RNF17: variants seen among roughly 807,000 people sequenced by gnomAD.
The protein encoded by RNF17 is spermatogenesis associated 23.
A neutral mutation model predicts 200.5 loss-of-function variants in RNF17; 31 were observed. The ratio of observed to expected loss-of-function variants is 0.15; its 90% CI spans 0.12 to 0.21. RNF17 has a LOEUF of 0.21. Among genes scored for constraint, RNF17 ranks in the 10% least tolerant of loss-of-function variants. RNF17 has a pLI of 1.00. For missense variants in RNF17, 1,628 were observed against 1,905.1 expected (o/e 0.85, Z 2.71); for synonymous variants, 606 against 637.8 (o/e 0.95, Z 0.75).
chr13:24,862,561 C>T, intron 27 of RNF17, 152 bp from the exon 28 acceptor site: 1 of 523,490 alleles, frequency 1.9e-6, no homozygotes, highest in Non-Finnish European at 3.6e-6. Context: ...TTATTTTTAT[C>T]ATGTACCTAT....
intron 32 of RNF17, among the ~76,000 whole-genome samples, chr13:24,871,940 T>C (rs1284116545): frequency 1.1e-5 from 1 of 87,154 alleles, no homozygotes; most frequent in Non-Finnish European, 3.0e-5. Context: ...CCAGATGAGA[T>C]TCTTGTTTTA....
At chr13:24,884,971 A>G in the RNF17 span, among the ~76,000 whole-genome samples, 3 of 152,242 alleles carry the variant, frequency 2.0e-5, no homozygotes, top group Admixed American at 6.5e-5. Context: ...CATAAGAATA[A>G]AACTGTGCTA....
the RNF17 span, chr13:24,885,128 A>G: frequency 1.5e-6 from 1 of 648,008 alleles, no homozygotes; most frequent in Non-Finnish European, 2.7e-6. Flanking sequence ...CAGAGATTGT[A>G]TGCCGCCTTT....
intron 15 of RNF17, among the ~76,000 whole-genome samples, chr13:24,812,009 C>A (rs1044390914): frequency 3.9e-5 from 6 of 151,908 alleles, no homozygotes; most frequent in African/African-American, 1.4e-4. Flanking sequence ...TCTCAGATCT[C>A]CAGCTGCGTG....
intron 18 of RNF17, 65 bp from the exon 19 acceptor site, chr13:24,841,976 A>AT (rs1890689033): frequency 6.8e-7 from 1 of 1,469,596 alleles, no homozygotes; most frequent in African/African-American, 1.4e-5. Context: ...CAAAAAAAAA[A>AT]ATTGCCTCAT....
At chr13:24,802,629 G>A (rs180796767) in intron 14 of RNF17, 58 bp downstream of exon 14, 2 of 1,402,976 alleles carry the variant, frequency 1.4e-6, no homozygotes, top group East Asian at 2.3e-5. Context: ...AATGAGAGTA[G>A]CAGATTTTGC....
upstream of RNF17, among the ~76,000 whole-genome samples, chr13:24,760,049 G>C (rs1878578328): frequency 6.6e-6 from 1 of 152,172 alleles, no homozygotes; most frequent in Admixed American, 6.5e-5. Context: ...GCTGAGGCAG[G>C]AGAATTGCTT....
intron 26 of RNF17, among the ~76,000 whole-genome samples, chr13:24,860,616 A>G (rs773684592): frequency 2.6e-4 from 40 of 152,306 alleles, no homozygotes; most frequent in Admixed American, 4.6e-4. Flanking sequence ...GTTGGGACAG[A>G]AGAAATAATT....
rs756534966 is a variant in RNF17 at position 24,764,325 on chromosome 13, G to T, written c.122G>T (p.Arg41Ile). 1.2e-6 allele frequency: 2 copies of T among 1,602,248 alleles called. No individual in the cohort carries two copies. Among genetic ancestry groups the T allele is most frequent in the Admixed American group, 3.4e-5 (2 of 58,782 alleles). The change falls in exon 1 of 36, where the codon AGA becomes ATA. Residue 41 changes from arginine to isoleucine, a missense_variant. This residue lies in a region of RNF17 where 502 missense variants were observed against 501.7 expected (regional missense o/e 1.00). Coordinates refer to ENST00000255324, the MANE Select transcript of RNF17 (RefSeq NM_031277.3). ...ACCAGGTGTGGAAGGAGGGTATCCAGATCATCCGGTGAGGAGCCCAAGGGC... is the reference window on the plus strand; with the variant it reads ...ACCAGGTGTGGAAGGAGGGTATCCATATCATCCGGTGAGGAGCCCAAGGGC... The part of the protein sequence containing the change: ...QCTRCGRRVS[R>I]SSGHHCELQC...
At chr13:24,804,718 A>G (rs569710637) in intron 15 of RNF17, among the ~76,000 whole-genome samples, 1 of 152,276 alleles carries the variant, frequency 6.6e-6, no homozygotes, top group South Asian at 2.1e-4. Flanking sequence ...TAATGATAAA[A>G]TAAATTTTTT....
chr13:24,827,346 AT>A (rs1446017084), intron 16 of RNF17, among the ~76,000 whole-genome samples: 4 of 152,162 alleles, frequency 2.6e-5, no homozygotes, highest in African/African-American at 9.7e-5. Context: ...TATCAAAACT[AT>A]TCTTGCAACC....
downstream of RNF17, chr13:24,882,578 A>AGACAT (rs1237036869): frequency 6.5e-6 from 1 of 153,472 alleles, no homozygotes; most frequent in African/African-American, 2.4e-5. Flanking sequence ...TCCCATTTTG[A>AGACAT]GACATTACAT....
intron 30 of RNF17, 112 bp downstream of exon 30, chr13:24,866,315 GA>G: frequency 1.7e-6 from 1 of 591,264 alleles, no homozygotes; most frequent in South Asian, 2.3e-5. Flanking sequence ...ATATATCATA[GA>G]ATTTACCTAT....
upstream of RNF17, among the ~76,000 whole-genome samples, chr13:24,762,870 C>A (rs1048758661): frequency 9.2e-5 from 14 of 152,166 alleles, no homozygotes; most frequent in African/African-American, 2.4e-4. Context: ...ACTCCTCAGC[C>A]TTACACTCGA....
At chr13:24,824,840 C>T (rs1475899322) in intron 15 of RNF17, among the ~76,000 whole-genome samples, 1 of 152,100 alleles carries the variant, frequency 6.6e-6, no homozygotes, top group East Asian at 1.9e-4. Context: ...TCACTGCAAT[C>T]GATAAATGAA....
At chr13:24,797,705 A>AGTGTGTGTGTGTGT (rs777888152) in intron 11 of RNF17, among the ~76,000 whole-genome samples, 7,714 of 118,548 alleles carry the variant, frequency 0.065, 346 homozygotes, top group Non-Finnish European at 0.098. Flanking sequence ...AGAGACAAAG[A>AGTGTGTGTGTGTGT]GTGTGTGTGT....
intron 33 of RNF17, 120 bp from the exon 34 acceptor site, chr13:24,876,877 G>T: frequency 7.2e-6 from 5 of 699,206 alleles, no homozygotes; most frequent in Non-Finnish European, 9.2e-6. Flanking sequence ...TTTTGGTGTC[G>T]TATCCAAAAA....
intron 15 of RNF17, among the ~76,000 whole-genome samples, chr13:24,817,535 A>G (rs1355774329): frequency 6.6e-6 from 1 of 152,062 alleles, no homozygotes; most frequent in South Asian, 2.1e-4. Context: ...CCTGGCCAAC[A>G]TGTCAAAACC....
intron 2 of RNF17, among the ~76,000 whole-genome samples, chr13:24,771,323 C>CTTT (rs35220494): frequency 0.047 from 3,698 of 77,976 alleles, 526 homozygotes; most frequent in South Asian, 0.097. Flanking sequence ...CACAGATAAT[C>CTTT]TTTTTTTTTT....
Sources: gnomAD v4.1 joint callset for allele counts (sites outside exome capture counted in the v4.1 genomes callset) on GRCh38, gnomAD v4.1.1 for gene constraint, gnomAD v4.1.1 regional missense constraint, MANE v1.5 for transcripts, NCBI Gene and HGNC (gene_info 2026-07-23, HGNC 2026-07-21) for gene names.